NUMB: variants seen among roughly 807,000 people sequenced by gnomAD.
NUMB encodes the protein NUMB endocytic adaptor protein, also known as protein numb homolog.
A neutral mutation model predicts 59.7 loss-of-function variants in NUMB; 29 were observed. The ratio of observed to expected loss-of-function variants is 0.49; its 90% confidence interval spans 0.36 to 0.66. NUMB has a LOEUF of 0.66. Ranked by LOEUF, NUMB falls within the 30% of genes least tolerant of loss-of-function variation. The pLI is 0.00. For missense variants in NUMB, 723 were observed against 822.0 expected, an observed-to-expected ratio of 0.88 and a Z score of 1.47; for synonymous variants, 288 against 288.2, an observed-to-expected ratio of 1.00 and a Z score of 0.01.
At position 73,358,131 on chromosome 14, in the gene NUMB, A is replaced by G. The variant is rs376956135; in HGVS notation, c.-15-2365T>C. Among the ~76,000 whole-genome samples the G allele has an allele frequency of 7.3e-4, 111 of 152,084 alleles. 2 individuals carry two copies. The South Asian group carries it at 0.023, about 32-fold the overall frequency. Reference sequence around the variant, plus strand: ...CAACTATTCCAGTCCTACTATCCTGAGACATTTTTCTTTAAATTATTGCTT... The same window carrying G: ...CAACTATTCCAGTCCTACTATCCTGGGACATTTTTCTTTAAATTATTGCTT... On this transcript the variant is annotated intron_variant, in intron 3 of 12. Transcript: ENST00000555238.
chr14:73,328,563 G>A (rs1238722717), intron 4 of NUMB, among the ~76,000 whole-genome samples: 1 of 152,132 alleles, frequency 6.6e-6, no homozygotes, highest in Non-Finnish European at 1.5e-5. Flanking sequence ...AGTTCCAGTT[G>A]CTCAGCAATT....
intron 2 of NUMB, among the ~76,000 whole-genome samples, chr14:73,400,020 T>C (rs12436008): frequency 0.24 from 35,844 of 151,786 alleles, 5,173 homozygotes; most frequent in East Asian, 0.69. Context: ...GCCTGGGCGA[T>C]GGAGTGAGAC....
intron 2 of NUMB, among the ~76,000 whole-genome samples, chr14:73,376,783 G>A (rs1400934735): frequency 3.3e-5 from 5 of 152,144 alleles, no homozygotes; most frequent in African/African-American, 1.2e-4. Context: ...AGACTGAAGT[G>A]GGAAGACTGC....
chr14:73,333,090 G>T (rs900922460), intron 4 of NUMB, among the ~76,000 whole-genome samples: 1 of 152,092 alleles, frequency 6.6e-6, no homozygotes, highest in African/African-American at 2.4e-5. Context: ...TTCTTTGGGG[G>T]TATATAACTA....
intron 3 of NUMB, among the ~76,000 whole-genome samples, chr14:73,357,559 T>C (rs959093586): frequency 3.3e-5 from 5 of 151,574 alleles, no homozygotes; most frequent in Non-Finnish European, 7.4e-5. Flanking sequence ...GAATTTGAAT[T>C]TGAGACCAGC....
At chr14:73,306,938 A>T (rs1890470493) in intron 6 of NUMB, among the ~76,000 whole-genome samples, 1 of 152,190 alleles carries the variant, frequency 6.6e-6, no homozygotes, top group Non-Finnish European at 1.5e-5. Context: ...GTCCTCACAG[A>T]GCTTACATTT....
At position 73,418,773 on chromosome 14, in the gene NUMB, A is replaced by G. The variant is rs1025031464; in HGVS notation, c.-232-8705T>C. 1.3e-4 allele frequency among the ~76,000 whole-genome samples: 19 copies of G among 148,486 alleles called. No individual in the cohort carries two copies. The East Asian group carries it at 2.7e-3, about 21-fold the overall frequency. On this transcript the variant is annotated intron_variant, in intron 1 of 12. Coordinates refer to ENST00000555238, the MANE Select transcript of NUMB (RefSeq NM_001005743.2). Reference sequence around the variant, plus strand: ...ACAACAAGAGCAAAACTCTGTCTCGAAAAAAAAAAAGTAACTTTTATGTAT... The same window carrying G: ...ACAACAAGAGCAAAACTCTGTCTCGGAAAAAAAAAAGTAACTTTTATGTAT...
intron 7 of NUMB, 25 bp from the exon 8 acceptor site, chr14:73,292,899 A>C: frequency 6.2e-7 from 1 of 1,612,994 alleles, no homozygotes; most frequent in Non-Finnish European, 8.5e-7. Context: ...ACACAAAGAA[A>C]GAGAAGACTT....
At chr14:73,407,417 G>C (rs937974864) in intron 2 of NUMB, among the ~76,000 whole-genome samples, 6 of 152,100 alleles carry the variant, frequency 3.9e-5, no homozygotes, top group Admixed American at 3.9e-4. Context: ...TCCTCCCTGG[G>C]CAACAGAGCA....
chr14:73,401,917 T>C (rs1165440538), intron 2 of NUMB, among the ~76,000 whole-genome samples: 2 of 151,944 alleles, frequency 1.3e-5, no homozygotes, highest in Non-Finnish European at 2.9e-5. Context: ...TGGAGAGCAG[T>C]GGGGTACAAT....
At chr14:73,426,617 C>T (rs1056994552) in intron 1 of NUMB, among the ~76,000 whole-genome samples, 2 of 151,976 alleles carry the variant, frequency 1.3e-5, no homozygotes, top group African/African-American at 2.4e-5. Flanking sequence ...GAGGCTGAGG[C>T]GGGCAGATAA....
intron 5 of NUMB, among the ~76,000 whole-genome samples, chr14:73,319,696 G>A (rs764897188): frequency 2.6e-5 from 4 of 152,164 alleles, no homozygotes; most frequent in Non-Finnish European, 4.4e-5. Flanking sequence ...AAAAGGCAAC[G>A]AGAAATTTCT....
chr14:73,322,293 T>A (rs893500594), intron 5 of NUMB, among the ~76,000 whole-genome samples: 1 of 152,242 alleles, frequency 6.6e-6, no homozygotes, highest in Admixed American at 6.5e-5. Context: ...AATTAACACT[T>A]TGAATCTTTA....
intron 2 of NUMB, among the ~76,000 whole-genome samples, chr14:73,400,094 CAAGT>C (rs751773076): frequency 4.6e-5 from 7 of 151,940 alleles, no homozygotes; most frequent in Admixed American, 1.3e-4. Context: ...AATAAGCAAG[CAAGT>C]GAGCTAGCAA....
chr14:73,314,420 A>G (rs1254668142), intron 6 of NUMB, among the ~76,000 whole-genome samples: 1 of 150,752 alleles, frequency 6.6e-6, no homozygotes, highest in Non-Finnish European at 1.5e-5. Context: ...TCTCTTTCTT[A>G]TACCATACAA....
chr14:73,334,095 A>G (rs918875982), intron 4 of NUMB, among the ~76,000 whole-genome samples: 4 of 150,804 alleles, frequency 2.7e-5, no homozygotes, highest in Non-Finnish European at 5.9e-5. Flanking sequence ...CTTGTTTCCC[A>G]GGCTGGAGTA....
intron 3 of NUMB, among the ~76,000 whole-genome samples, chr14:73,356,717 CA>C (rs1893804583): frequency 6.6e-6 from 1 of 152,040 alleles, no homozygotes; most frequent in Admixed American, 6.6e-5. Context: ...TTTTTTCAGA[CA>C]GTCTCACTCT....
rs1304830000 is a variant in NUMB at position 73,396,498 on chromosome 14, C to T, written c.-101+13439G>A. On this transcript the variant is annotated intron_variant, in intron 2 of 12. Coordinates refer to ENST00000555238, the MANE Select transcript of NUMB (RefSeq NM_001005743.2). ...GAGCAGCTGGGACTACAGGCCCATA[C>T]CACAAGGCCTGGCTAGTTTTTTTGT... Among the ~76,000 whole-genome samples, 3 of 150,592 alleles carry T rather than the reference C, an allele frequency of 2.0e-5. No homozygotes were observed. In the Admixed American group the frequency reaches 2.0e-4, roughly 10 times the overall value.
intron 9 of NUMB, 154 bp from the exon 10 acceptor site, chr14:73,284,528 T>C: frequency 1.6e-6 from 1 of 626,954 alleles, no homozygotes; most frequent in East Asian, 2.7e-5. Flanking sequence ...CGGATCCATT[T>C]TTCAGACAGA....
Sources: gnomAD v4.1 joint callset for allele counts (sites outside exome capture counted in the v4.1 genomes callset) on GRCh38, gnomAD v4.1.1 for gene constraint, MANE v1.5 for transcripts, NCBI Gene and HGNC (gene_info 2026-07-23, HGNC 2026-07-21) for gene names.